Variants in MYOM2 observed in about 807,000 individuals in gnomAD.
MYOM2 encodes the protein myomesin-2.
Under a neutral mutation model 187.6 loss-of-function variants are expected in MYOM2, and 254 were observed. The ratio of observed to expected loss-of-function variants is 1.35; its 90% CI spans 1.22 to 1.50. The LOEUF (loss-of-function observed/expected upper bound fraction) is 1.50. Ranked by LOEUF, MYOM2 falls within the 40% of genes most tolerant of loss-of-function variation. The probability of loss-of-function intolerance (pLI) is 0.00; values close to 1 mark genes in which losing one functional copy is unlikely to be tolerated. For missense variants in MYOM2, 2,796 were observed against 1,924.0 expected (o/e 1.45, Z -8.48); for synonymous variants, 981 against 753.8 (o/e 1.30, Z -4.94).
chr8:2,129,258 G>A, intron 32 of MYOM2, 26 bp downstream of exon 32: 2 of 1,534,854 alleles, frequency 1.3e-6, no homozygotes, highest in South Asian at 1.1e-5. Flanking sequence ...GCCGATGGAG[G>A]CCATGCCATA....
chr8:2,120,003 T>C (rs1797372163), intron 28 of MYOM2, among the ~76,000 whole-genome samples: 4 of 151,658 alleles, frequency 2.6e-5, no homozygotes, highest in Admixed American at 2.0e-4. Context: ...TAGCCCACAG[T>C]GGGGGGAGTG....
At chr8:2,144,601 A>C in intron 36 of MYOM2, 63 bp from the exon 37 acceptor site, 2 of 1,540,030 alleles carry the variant, frequency 1.3e-6, no homozygotes, top group Non-Finnish European at 1.8e-6. Flanking sequence ...CCACCGTCCG[A>C]GGGGGTGACA....
chr8:2,061,435 C>A (rs1054334298), intron 6 of MYOM2, among the ~76,000 whole-genome samples: 7 of 152,178 alleles, frequency 4.6e-5, no homozygotes, highest in Non-Finnish European at 8.8e-5. Flanking sequence ...CCTGTGCCCT[C>A]CCCCAGCATC....
At chr8:2,120,183 C>A (rs910006449) in intron 28 of MYOM2, among the ~76,000 whole-genome samples, 3 of 152,066 alleles carry the variant, frequency 2.0e-5, no homozygotes, top group Admixed American at 6.5e-5. Context: ...AGTCAGGGGA[C>A]AGACTCATGA....
intron 13 of MYOM2, among the ~76,000 whole-genome samples, chr8:2,084,144 GT>G (rs2116694541): frequency 6.6e-6 from 1 of 152,272 alleles, no homozygotes; most frequent in South Asian, 2.1e-4. Context: ...GCTTTTTTCT[GT>G]GGGTATCTAG....
intron 14 of MYOM2, among the ~76,000 whole-genome samples, chr8:2,087,657 C>G (rs1184609847): frequency 6.6e-6 from 1 of 152,190 alleles, no homozygotes; most frequent in East Asian, 1.9e-4. Context: ...GTCACTCAGG[C>G]TAGAGTGCAG....
rs145851152 is a variant in MYOM2, at chr8:2,052,957, T to G, written c.263+644T>G. Among the ~76,000 whole-genome samples, 23 of 152,328 alleles carry G rather than the reference T, an allele frequency of 1.5e-4. No homozygotes were observed. In the East Asian group the frequency reaches 3.9e-3, roughly 26 times the overall value. On this transcript the variant is annotated intron_variant, in intron 3 of 36. Coordinates refer to ENST00000262113, the MANE Select transcript of MYOM2 (RefSeq NM_003970.4). Reference sequence around the variant, plus strand: ...TGGGATGGATTAATAAAAATGCCAGTCTTAAAATTATTTCCAGATGACGGA... The same window carrying G: ...TGGGATGGATTAATAAAAATGCCAGGCTTAAAATTATTTCCAGATGACGGA...
intron 1 of MYOM2, among the ~76,000 whole-genome samples, chr8:2,047,264 G>A (rs994825996): frequency 1.3e-5 from 2 of 152,134 alleles, no homozygotes; most frequent in Admixed American, 6.5e-5. Context: ...TTGCAAAGAC[G>A]TCATCACACC....
intron 6 of MYOM2, among the ~76,000 whole-genome samples, chr8:2,060,650 G>T (rs1399407014): frequency 1.3e-5 from 2 of 152,190 alleles, no homozygotes; most frequent in Non-Finnish European, 2.9e-5. Context: ...TTCCCAGAGG[G>T]AGCTCAGAGG....
At chr8:2,107,454 C>G (rs1174420397) in intron 23 of MYOM2, among the ~76,000 whole-genome samples, 2 of 152,092 alleles carry the variant, frequency 1.3e-5, no homozygotes, top group Non-Finnish European at 2.9e-5. Context: ...CAATCACTGT[C>G]CTGGTTGATA....
intron 14 of MYOM2, among the ~76,000 whole-genome samples, chr8:2,089,725 G>T (rs1796229049): frequency 6.6e-6 from 1 of 152,142 alleles, no homozygotes; most frequent in Non-Finnish European, 1.5e-5. Context: ...TACTACCTAT[G>T]TATTGATTCC....
chr8:2,136,173 G>A (rs148828852), intron 32 of MYOM2, among the ~76,000 whole-genome samples: 2 of 152,344 alleles, frequency 1.3e-5, no homozygotes, highest in Non-Finnish European at 2.9e-5. Context: ...TGGGCAGCTC[G>A]AGGCTGGGAT....
At position 2,117,826 on chromosome 8, in the gene MYOM2, ATATT is replaced by A. The variant is rs144289316; in HGVS notation, c.3386-53_3386-50del. On this transcript the variant is annotated intron_variant, in intron 27 of 36. Coordinates refer to ENST00000262113, the MANE Select transcript of MYOM2 (RefSeq NM_003970.4). ...GTGGGTATATATATATAATAGCTAT[ATATT>A]TATTTGTTTACTTTTTCCTTTTTTA... 1.2e-3 allele frequency: 1,361 copies of A among 1,167,518 alleles called. 9 individuals carry two copies. The African/African-American group carries it at 0.018, about 16-fold the overall frequency. The allele number at this position is 1,167,518 out of a possible 1,614,324, so 72.3% of individuals were successfully genotyped here. A position where few individuals can be genotyped will look rare whatever the true frequency, so the allele number is the denominator to read the frequency against.
At chr8:2,059,413 C>G (rs1818779340) in intron 6 of MYOM2, among the ~76,000 whole-genome samples, 168 bp downstream of exon 6, 1 of 152,106 alleles carries the variant, frequency 6.6e-6, no homozygotes, top group Non-Finnish European at 1.5e-5. Flanking sequence ...TGGAAGCTTC[C>G]CTTTGTTTTT....
chr8:2,092,507 A>G lies in MYOM2; in HGVS notation c.1990A>G (p.Ile664Val), dbSNP rs1796341701. ...CTGGGAGCCCTGCAACCACAAGCCC[A>G]TCGGATACAACAGGTGCGGCCTCCC... ...NLWEPCNHKP[I>V]GYNRFVVHGL... The change falls in exon 16 of 37, where the codon ATC (isoleucine) becomes GTC (valine). Residue 664 changes from isoleucine to valine, a missense_variant. Ile to Val is a conservative substitution (Grantham distance 29). Coordinates refer to ENST00000262113, the MANE Select transcript of MYOM2 (RefSeq NM_003970.4). The G allele has an allele frequency of 5.0e-6, 8 of 1,613,896 alleles. No homozygotes were observed. The highest frequency in any genetic ancestry group is 2.2e-5 in the South Asian group (2 of 91,082).
intron 10 of MYOM2, 107 bp downstream of exon 10, chr8:2,073,607 AC>A: frequency 1.5e-6 from 2 of 1,328,602 alleles, no homozygotes; most frequent in African/African-American, 1.5e-5. Context: ...AGGGTGTGAG[AC>A]CACTTTGCTC....
In MYOM2 at chr8:2,072,342, C is replaced by T. The variant is rs1158567870; in HGVS notation, c.794-3C>T. The T allele has an allele frequency of 6.2e-7, 1 of 1,612,844 alleles. No individual in the cohort carries two copies. Among genetic ancestry groups the T allele is most frequent in the Non-Finnish European group, 8.5e-7 (1 of 1,179,342 alleles). On this transcript the variant is annotated splice_region_variant and splice_polypyrimidine_tract_variant and intron_variant, in intron 8 of 36. Coordinates refer to ENST00000262113, the MANE Select transcript of MYOM2 (RefSeq NM_003970.4). ...CCTGAAAGCCTCCATCGTTTCTGTG[C>T]AGTGCCCCTGTCATCGATGATTCCG...
intron 8 of MYOM2, 31 bp from the exon 9 acceptor site, chr8:2,072,314 G>A (rs941737320): frequency 1.9e-6 from 3 of 1,591,508 alleles, no homozygotes; most frequent in Non-Finnish European, 2.6e-6. Flanking sequence ...TCTGCCCTTC[G>A]GCCCTGAAAG....
At chr8:2,118,970 T>G (rs1365728645) in intron 28 of MYOM2, 2 of 151,862 alleles carry the variant, frequency 1.3e-5, no homozygotes, top group East Asian at 3.9e-4. Context: ...TAGCTGGGTG[T>G]GGGTGAGAGG....
Sources: gnomAD v4.1 joint callset for allele counts (sites outside exome capture counted in the v4.1 genomes callset) on GRCh38, gnomAD v4.1.1 for gene constraint, MANE v1.5 for transcripts, NCBI Gene and HGNC (gene_info 2026-07-23, HGNC 2026-07-21) for gene names.